The following CYRIA variants were observed in gnomAD, a reference collection of about 807,000 sequenced individuals.
CYRIA encodes the protein CYFIP-related Rac1 interactor A.
Under a neutral mutation model 43.9 loss-of-function variants are expected in CYRIA, and 15 were observed. That is an observed-to-expected ratio of 0.34 (90% confidence interval 0.23 to 0.53). The LOEUF (loss-of-function observed/expected upper bound fraction) is 0.53. CYRIA is among the 20% of genes least tolerant of loss of function. CYRIA has a pLI of 0.94. For missense variants in CYRIA, 236 were observed against 394.2 expected (o/e 0.60, Z 3.40); for synonymous variants, 117 against 136.0 (o/e 0.86, Z 0.97).
chr2:16,608,465 G>A lies in CYRIA; in HGVS notation c.-11+15399C>T, dbSNP rs182237060. On this transcript the variant is annotated intron_variant, in intron 2 of 11. Transcript: ENST00000381323. The stretch of plus-strand genomic sequence containing the variant: ...ATCTATTTTAAGATCGCAAATTTCA[G>A]TTTATAGATGGCCAAGTGGAATGAG... Among the ~76,000 whole-genome samples, 24 of 152,266 alleles carry A rather than the reference G, an allele frequency of 1.6e-4. No homozygotes were observed. The East Asian group carries it at 4.4e-3, about 28-fold the overall frequency.
chr2:16,642,847 C>T (rs1669714061), intron 1 of CYRIA, among the ~76,000 whole-genome samples: 1 of 152,130 alleles, frequency 6.6e-6, no homozygotes, highest in Non-Finnish European at 1.5e-5. Flanking sequence ...TCAATGAGAA[C>T]CATCCTGACC....
At chr2:16,575,822 C>G (rs1381313662) in intron 3 of CYRIA, among the ~76,000 whole-genome samples, 2 of 151,766 alleles carry the variant, frequency 1.3e-5, no homozygotes, top group Non-Finnish European at 2.9e-5. Context: ...CGCCACTGCA[C>G]TCCCACCTGG....
intron 1 of CYRIA, among the ~76,000 whole-genome samples, chr2:16,637,833 G>T (rs1258582904): frequency 6.6e-6 from 1 of 152,134 alleles, no homozygotes; most frequent in Non-Finnish European, 1.5e-5. Context: ...CAGAGACAAA[G>T]GTCCAGAGTG....
chr2:16,658,803 A>G (rs1670177184), intron 1 of CYRIA, among the ~76,000 whole-genome samples: 1 of 151,936 alleles, frequency 6.6e-6, no homozygotes, highest in African/African-American at 2.4e-5. Context: ...TCTGTGGAAT[A>G]GAGGAGAAAG....
chr2:16,585,147 A>G (rs1015058358), intron 3 of CYRIA, among the ~76,000 whole-genome samples: 14 of 152,146 alleles, frequency 9.2e-5, no homozygotes, highest in Admixed American at 9.2e-4. Context: ...AAATCACGAT[A>G]GCAGCCCACC....
chr2:16,567,334 G>T (rs1219251861), intron 3 of CYRIA, among the ~76,000 whole-genome samples: 2 of 152,116 alleles, frequency 1.3e-5, no homozygotes, highest in Non-Finnish European at 2.9e-5. Flanking sequence ...AATCCTGGAG[G>T]CAGAGGTTGC....
At chr2:16,651,300 A>C (rs2103547942) in intron 1 of CYRIA, among the ~76,000 whole-genome samples, 1 of 152,342 alleles carries the variant, frequency 6.6e-6, no homozygotes, top group Non-Finnish European at 1.5e-5. Context: ...GCCTTCTTAT[A>C]CTGTCATATC....
intron 3 of CYRIA, among the ~76,000 whole-genome samples, chr2:16,573,034 C>T (rs1418792662): frequency 6.6e-6 from 1 of 152,202 alleles, no homozygotes; most frequent in Non-Finnish European, 1.5e-5. Context: ...TTTCATCCCT[C>T]CAGGCCCCCT....
chr2:16,598,384 T>C (rs2103472510), intron 2 of CYRIA, among the ~76,000 whole-genome samples: 1 of 89,256 alleles, frequency 1.1e-5, no homozygotes, highest in South Asian at 4.3e-4. Context: ...AGACGTAGAT[T>C]TGGTCTTTTC....
intron 2 of CYRIA, among the ~76,000 whole-genome samples, chr2:16,606,561 AC>A (rs376148535): frequency 4.0e-5 from 6 of 149,740 alleles, no homozygotes; most frequent in East Asian, 1.9e-4. Context: ...AAAAAAAAAA[AC>A]AAAATGAAAA....
intron 3 of CYRIA, among the ~76,000 whole-genome samples, chr2:16,570,237 C>T (rs1382945692): frequency 6.6e-6 from 1 of 152,064 alleles, no homozygotes; most frequent in African/African-American, 2.4e-5. Context: ...TAGCTCACTG[C>T]ACTCAAATGG....
intron 9 of CYRIA, 27 bp downstream of exon 9, chr2:16,560,963 C>T (rs747360775): frequency 2.5e-6 from 4 of 1,603,880 alleles, no homozygotes; most frequent in Non-Finnish European, 3.4e-6. Context: ...AAGTCTCAAC[C>T]ACGAATACAT....
rs79949322 is a variant in CYRIA, at chr2:16,663,387, C to T, written c.-167+2393G>A. Reference sequence around the variant, plus strand: ...TTTTTGTGCTACCATAATACGTGCTCAGCTTATTTTTAACAAACCTAGAGC... The same window carrying T: ...TTTTTGTGCTACCATAATACGTGCTTAGCTTATTTTTAACAAACCTAGAGC... On this transcript the variant is annotated intron_variant, in intron 1 of 11. Coordinates refer to ENST00000381323, the MANE Select transcript of CYRIA (RefSeq NM_030797.4). Among the ~76,000 whole-genome samples, 77 of 152,260 alleles carry T rather than the reference C, an allele frequency of 5.1e-4. No individual in the cohort carries two copies. The East Asian group carries it at 0.014, about 27-fold the overall frequency.
intron 1 of CYRIA, among the ~76,000 whole-genome samples, chr2:16,663,032 G>A (rs1670304055): frequency 6.6e-6 from 1 of 152,168 alleles, no homozygotes; most frequent in Admixed American, 6.5e-5. Context: ...ATCAAGGCTG[G>A]GCAAAATGCC....
chr2:16,556,316 C>A (rs1345122455), intron 10 of CYRIA, among the ~76,000 whole-genome samples: 1 of 152,074 alleles, frequency 6.6e-6, no homozygotes, highest in African/African-American at 2.4e-5. Context: ...GTCATGCATA[C>A]CGGATTGGGA....
At chr2:16,628,027 C>G (rs1669221058) in intron 1 of CYRIA, among the ~76,000 whole-genome samples, 1 of 152,162 alleles carries the variant, frequency 6.6e-6, no homozygotes, top group Non-Finnish European at 1.5e-5. Context: ...TGCACACATG[C>G]CCGGGACACC....
chr2:16,626,658 G>A (rs1669177445), intron 1 of CYRIA, among the ~76,000 whole-genome samples: 1 of 152,172 alleles, frequency 6.6e-6, no homozygotes, highest in East Asian at 1.9e-4. Flanking sequence ...TCACCCCGGG[G>A]CCAAGTGTCC....
In CYRIA at chr2:16,618,635, G is replaced by A. The variant is rs539597604; in HGVS notation, c.-11+5229C>T. 1.9e-4 allele frequency among the ~76,000 whole-genome samples: 29 copies of A among 152,266 alleles called. 1 individual carries two copies. Among genetic ancestry groups the A allele is most frequent in the Admixed American group, 1.1e-3 (17 of 15,296 alleles). ...CAAAGCACCCACCCCAAAGCCCCTC[G>A]CTGTTGAGATGTTTATGCCAACTAG... is the stretch of plus-strand genomic sequence containing the variant. On this transcript the variant is annotated intron_variant, in intron 2 of 11. Transcript: ENST00000381323.
chr2:16,627,512 T>G (rs536662342), intron 1 of CYRIA, among the ~76,000 whole-genome samples: 21 of 152,172 alleles, frequency 1.4e-4, no homozygotes, highest in Non-Finnish European at 2.9e-4. Flanking sequence ...CCAAACTAGG[T>G]AGGCATTATT....
Sources: allele counts gnomAD v4.1 joint callset (sites outside exome capture counted in the v4.1 genomes callset), GRCh38; gene constraint gnomAD v4.1.1; transcripts MANE v1.5; gene names NCBI Gene and HGNC (gene_info 2026-07-23, HGNC 2026-07-21).